KIAA0586: variants seen among roughly 807,000 people sequenced by gnomAD.
KIAA0586 encodes protein TALPID3.
A neutral mutation model predicts 169.8 loss-of-function variants in KIAA0586; 144 were observed. The observed-to-expected ratio is 0.85, with a 90% CI of 0.74 to 0.97. The LOEUF (loss-of-function observed/expected upper bound fraction) is 0.97, where lower values mean the gene tolerates loss of function less well. Among genes scored for constraint, KIAA0586 ranks in the 50% least tolerant of loss-of-function variants. KIAA0586 has a pLI of 0.00. For synonymous variants in KIAA0586, 625 were observed against 612.4 expected (o/e 1.02, Z -0.30); for missense variants, 1,854 against 1,823.0 (o/e 1.02, Z -0.31).
At chr14:58,465,732 T>C (rs1291471254) in intron 14 of KIAA0586, 103 bp from the exon 15 acceptor site, 3 of 707,610 alleles carry the variant, frequency 4.2e-6, no homozygotes, top group African/African-American at 1.8e-5. Context: ...TAACCTTATA[T>C]AGAATTAAGA....
chr14:58,507,163 G>GTA (rs1379492068), intron 27 of KIAA0586, among the ~76,000 whole-genome samples: 3 of 11,150 alleles, frequency 2.7e-4, no homozygotes, highest in Non-Finnish European at 5.6e-4. Context: ...AAAAAAAAAA[G>GTA]TGTATATATA....
At chr14:58,471,586 A>G (rs1450723581) in intron 17 of KIAA0586, among the ~76,000 whole-genome samples, 1 of 152,174 alleles carries the variant, frequency 6.6e-6, no homozygotes, top group Non-Finnish European at 1.5e-5. Context: ...TCATGATCAT[A>G]AGTAATGAAA....
At chr14:58,452,256 C>A (rs1404217784) in intron 8 of KIAA0586, among the ~76,000 whole-genome samples, 6 of 151,958 alleles carry the variant, frequency 3.9e-5, no homozygotes, top group African/African-American at 2.4e-5. Flanking sequence ...CCAAATACCA[C>A]CTGTTCCCCA....
chr14:58,467,048 A>G (rs945814508), intron 15 of KIAA0586, among the ~76,000 whole-genome samples: 2 of 152,172 alleles, frequency 1.3e-5, no homozygotes, highest in African/African-American at 2.4e-5. Context: ...TAACAATTTA[A>G]GTATGAATAT....
intron 12 of KIAA0586, among the ~76,000 whole-genome samples, chr14:58,459,420 A>C (rs1479404677): frequency 1.3e-5 from 2 of 152,166 alleles, no homozygotes; most frequent in African/African-American, 4.8e-5. Context: ...TCCCATGTAA[A>C]GTATATTTGT....
chr14:58,458,490 T>A lies in KIAA0586; in HGVS notation c.1601T>A (p.Ile534Asn). The A allele has an allele frequency of 6.5e-7, 1 of 1,541,606 alleles. No individual in the cohort carries two copies. Among genetic ancestry groups the A allele is most frequent in the African/African-American group, 1.4e-5 (1 of 72,926 alleles). ...TTTTATAGAGAGATGTCAGAGAAAA[T>A]TAGGATCAGAAAGACAGTGGATGAA... ...LSTNREMSEK[I>N]RIRKTVDEWI... is the part of the protein sequence containing the mutation. Residue 534 changes from isoleucine (I) to asparagine (N), a missense_variant, in exon 12 of 31, where the codon ATT becomes AAT. By Grantham distance (149) the Ile-to-Asn change is moderately radical. Transcript: ENST00000652326.
At chr14:58,455,294 C>T (rs1281214599) in intron 9 of KIAA0586, among the ~76,000 whole-genome samples, 2 of 152,166 alleles carry the variant, frequency 1.3e-5, no homozygotes, top group Non-Finnish European at 2.9e-5. Flanking sequence ...GATTTATAGT[C>T]TTTGCCTAGT....
At chr14:58,488,898 T>C (rs1489011414) in intron 24 of KIAA0586, 24 bp downstream of exon 24, 3 of 1,605,758 alleles carry the variant, frequency 1.9e-6, no homozygotes, top group Non-Finnish European at 2.6e-6. Context: ...TATTAGTTGA[T>C]TTTACTTGTT....
chr14:58,494,700 C>T lies in KIAA0586; in HGVS notation c.3990+2425C>T, dbSNP rs535055546. ...TTGTGTCTTTAAGCCCTTAGGAAGA[C>T]GTTGCTTTGGGAGGGTTTGTAATCC... On this transcript the variant is annotated intron_variant, in intron 26 of 30. Coordinates refer to ENST00000652326, the MANE Select transcript of KIAA0586 (RefSeq NM_001329943.3). Among the ~76,000 whole-genome samples, 8 of 152,158 alleles carry T rather than the reference C, an allele frequency of 5.3e-5. No homozygotes were observed. In the South Asian group the frequency reaches 1.0e-3, roughly 20 times the overall value.
chr14:58,436,702 TACAC>T (rs1437752305), intron 4 of KIAA0586, among the ~76,000 whole-genome samples: 2 of 152,226 alleles, frequency 1.3e-5, no homozygotes, highest in Non-Finnish European at 2.9e-5. Context: ...TGTATATACA[TACAC>T]ACAGAATTAA....
chr14:58,486,781 G>T (rs562650426), intron 21 of KIAA0586, among the ~76,000 whole-genome samples: 1 of 152,186 alleles, frequency 6.6e-6, no homozygotes, highest in African/African-American at 2.4e-5. Context: ...TTAAAAGAGG[G>T]TGCCTTAGAA....
Position 58,444,129 on chromosome 14 carries a change from A to G in KIAA0586, c.761A>G (p.His254Arg). The G allele has an allele frequency of 6.2e-7, 1 of 1,613,732 alleles. No homozygotes were observed. The highest frequency in any genetic ancestry group is 2.2e-5 in the East Asian group (1 of 44,840). ...CAAATGAATGTGTTTATGGAGCAGC[A>G]CATAAGGCATCTTGAAAAGTTACAA... ...EKQMNVFMEQ[H>R]IRHLEKLQQQ... Residue 254 changes from histidine to arginine, a missense_variant, in exon 6 of 31, where the codon CAC becomes CGC. His to Arg is a conservative substitution (Grantham distance 29). Coordinates refer to ENST00000652326, the MANE Select transcript of KIAA0586 (RefSeq NM_001329943.3).
intron 25 of KIAA0586, among the ~76,000 whole-genome samples, chr14:58,491,598 A>C (rs980896059): frequency 2.6e-5 from 4 of 152,230 alleles, no homozygotes; most frequent in Non-Finnish European, 5.9e-5. Flanking sequence ...GAGGAAGCCT[A>C]TACAGGGTGC....
chr14:58,558,056 C>T, the KIAA0586 span, among the ~76,000 whole-genome samples: 76 of 151,580 alleles, frequency 5.0e-4, 3 homozygotes, highest in South Asian at 0.013. Flanking sequence ...ACTACAGGTG[C>T]GTGCCACGAT....
chr14:58,428,892 A>G (rs1361811822), intron 1 of KIAA0586, among the ~76,000 whole-genome samples: 1 of 152,156 alleles, frequency 6.6e-6, no homozygotes, highest in African/African-American at 2.4e-5. Flanking sequence ...TAATCTGTCT[A>G]GAGCTCAGTG....
intron 21 of KIAA0586, among the ~76,000 whole-genome samples, chr14:58,484,902 A>ATTTATATATATTTTTATG: frequency 8.0e-5 from 1 of 12,486 alleles, no homozygotes; most frequent in Non-Finnish European, 1.4e-4. Context: ...ATATATATAT[A>ATTTATATATATTTTTATG]TATATATATA....
rs1490312037 is a variant in KIAA0586 at position 58,488,262 on chromosome 14, G to A, written c.3527+153G>A. The stretch of plus-strand genomic sequence containing the variant: ...AGAACTTTCATAAGTGTTGAGTTTT[G>A]AAAAATTATCAAATTATACCTTCAC... On this transcript the variant is annotated intron_variant, in intron 23 of 30. Transcript: ENST00000652326. The A allele has an allele frequency of 8.8e-6, 6 of 684,666 alleles. No individual in the cohort carries two copies. The East Asian group carries it at 1.1e-4, about 13-fold the overall frequency. 42.4% of individuals were successfully genotyped at this position (684,666 alleles called of 1,614,324 possible).
intron 20 of KIAA0586, among the ~76,000 whole-genome samples, chr14:58,481,663 CT>C (rs1005948810): frequency 5.3e-5 from 8 of 151,866 alleles, no homozygotes; most frequent in Non-Finnish European, 1.0e-4. Flanking sequence ...TTTCATCTCC[CT>C]TTTTTTTATT....
In KIAA0586 at chr14:58,458,003, G is replaced by GA. The variant is rs778817135; in HGVS notation, c.1583+24_1583+25insA. Reference sequence around the variant, plus strand: ...AGGTAAGAGGATGTTGGCATCCAGGGTTATTTATGAGTCTGTCAGTTCCAC... The same window carrying GA: ...AGGTAAGAGGATGTTGGCATCCAGGGATTATTTATGAGTCTGTCAGTTCCAC... On this transcript the variant is annotated intron_variant, in intron 11 of 30. Transcript: ENST00000652326. 7 of 1,458,822 alleles carry GA rather than the reference G, an allele frequency of 4.8e-6. No individual in the cohort carries two copies. In the South Asian group the frequency reaches 8.6e-5, roughly 18 times the overall value. 90.4% of individuals were successfully genotyped at this position (1,458,822 alleles called of 1,614,324 possible). A position where few individuals can be genotyped will look rare whatever the true frequency, so the allele number is the denominator to read the frequency against.
Sources: allele counts gnomAD v4.1 joint callset (sites outside exome capture counted in the v4.1 genomes callset), GRCh38; gene constraint gnomAD v4.1.1; transcripts MANE v1.5; gene names NCBI Gene and HGNC (gene_info 2026-07-23, HGNC 2026-07-21).